Variants in SYCP2L observed in about 807,000 individuals in gnomAD.
SYCP2L encodes the protein synaptonemal complex protein 2-like.
In SYCP2L, 98 loss-of-function variants were observed where a neutral mutation model predicts 125.8. That is an observed-to-expected ratio of 0.78 (90% CI 0.66 to 0.92). The LOEUF is 0.92. Ranked by LOEUF, SYCP2L falls within the 40% of genes least tolerant of loss-of-function variation. The pLI, the probability that SYCP2L is intolerant of heterozygous loss-of-function variation, is 0.00. For synonymous variants in SYCP2L, 317 were observed against 325.4 expected (o/e 0.97, Z 0.28); for missense variants, 842 against 936.4 (o/e 0.90, Z 1.32).
chr6:10,927,267 T>C lies in SYCP2L; in HGVS notation c.1340T>C (p.Val447Ala), dbSNP rs1408350532. 6.2e-7 allele frequency: 1 copy of C among 1,614,000 alleles called. No homozygotes were observed. Among genetic ancestry groups the C allele is most frequent in the East Asian group, 2.2e-5 (1 of 44,894 alleles). The change falls in exon 17 of 30, where the codon GTG (valine) becomes GCG (alanine). Residue 447 changes from valine to alanine, a missense_variant. Coordinates refer to ENST00000283141, the MANE Select transcript of SYCP2L (RefSeq NM_001040274.3). ...TEQAEESTNM[V>A]EFMSAEDDRC... is the part of the protein sequence containing the mutation. ...CAGGCAGAAGAATCCACTAACATGG[T>C]GGAGTTTATGAGTGCTGAAGATGAC...
intron 16 of SYCP2L, 109 bp from the exon 17 acceptor site, chr6:10,927,131 T>A (rs1039863450): frequency 1.3e-6 from 2 of 1,497,260 alleles, no homozygotes; most frequent in African/African-American, 1.4e-5. Context: ...AATTACCAGG[T>A]CTTACCAAAG....
At chr6:10,959,525 TA>T (rs1781561203) in intron 26 of SYCP2L, among the ~76,000 whole-genome samples, 1 of 152,172 alleles carries the variant, frequency 6.6e-6, no homozygotes, top group African/African-American at 2.4e-5. Context: ...ATTTTATACT[TA>T]AAAATGGTTA....
chr6:10,909,555 G>T (rs1780569763), intron 10 of SYCP2L, among the ~76,000 whole-genome samples: 1 of 152,132 alleles, frequency 6.6e-6, no homozygotes, highest in Non-Finnish European at 1.5e-5. Context: ...CAAAAACTTG[G>T]ATCTGTCTCT....
chr6:10,962,272 ACCTATGCATATATT>A (rs147622191), intron 28 of SYCP2L, among the ~76,000 whole-genome samples: 2 of 149,106 alleles, frequency 1.3e-5, no homozygotes, highest in Admixed American at 6.7e-5. Context: ...TCTTCCTAAA[ACCTATGCATATATT>A]CCTATGCATA....
intron 6 of SYCP2L, among the ~76,000 whole-genome samples, chr6:10,901,861 CA>C (rs1412553618): frequency 1.3e-5 from 2 of 152,258 alleles, no homozygotes; most frequent in Non-Finnish European, 2.9e-5. Context: ...GGCTCCGCCC[CA>C]TTTCTCTGCA....
intron 23 of SYCP2L, among the ~76,000 whole-genome samples, chr6:10,948,956 T>C (rs922364675): frequency 6.6e-6 from 1 of 152,156 alleles, no homozygotes; most frequent in Admixed American, 6.5e-5. Flanking sequence ...TCATATTTTT[T>C]AGTGTGCTTC....
rs1780995693 is a variant in SYCP2L at position 10,931,491 on chromosome 6, T to C, written c.1683+2T>C. 6.2e-7 allele frequency: 1 copy of C among 1,614,078 alleles called. No individual in the cohort carries two copies. The highest frequency in any genetic ancestry group is 8.5e-7 in the Non-Finnish European group (1 of 1,179,910). ...GGCAGTGGCCATGAGAAAGACCAAG[T>C]AAGTACATTGTATCTGGGTTGCTGT... On this transcript the variant is annotated splice_donor_variant, in intron 20 of 29. Coordinates refer to ENST00000283141, the MANE Select transcript of SYCP2L (RefSeq NM_001040274.3). LOFTEE classifies it high-confidence loss of function.
chr6:10,967,881 C>T (rs1439152650), intron 29 of SYCP2L, among the ~76,000 whole-genome samples: 8 of 152,062 alleles, frequency 5.3e-5, no homozygotes, highest in Admixed American at 3.9e-4. Context: ...GATTTTTCTC[C>T]AGCAAAATTC....
chr6:10,919,534 G>A (rs1271768806), intron 14 of SYCP2L, among the ~76,000 whole-genome samples: 3 of 152,204 alleles, frequency 2.0e-5, no homozygotes, highest in Admixed American at 6.5e-5. Flanking sequence ...TTAATGCTCT[G>A]TTTTTGTGCT....
At position 10,929,038 on chromosome 6, in the gene SYCP2L, C is replaced by T. The variant is rs556428243; in HGVS notation, c.1488+588C>T. Among the ~76,000 whole-genome samples, 5 of 151,968 alleles carry T rather than the reference C, an allele frequency of 3.3e-5. No individual in the cohort carries two copies. The South Asian group carries it at 6.3e-4, about 19-fold the overall frequency. ...TCCTGAGTAGCTAGGATTATAGGGGCATGCCACCATGCCTACCTAATTTTT... is the reference window on the plus strand; with the variant it reads ...TCCTGAGTAGCTAGGATTATAGGGGTATGCCACCATGCCTACCTAATTTTT... On this transcript the variant is annotated intron_variant, in intron 18 of 29. Transcript: ENST00000283141.
chr6:10,930,558 A>ATTTTCAAATCAGATATTTAT (rs1319391517), intron 19 of SYCP2L, 44 bp downstream of exon 19: 27 of 1,572,624 alleles, frequency 1.7e-5, no homozygotes, highest in Non-Finnish European at 2.3e-5. Flanking sequence ...TCAAATAGTG[A>ATTTTCAAATCAGATATTTAT]TTTTCAAATC....
In SYCP2L at chr6:10,927,255, C is replaced by T; in HGVS notation, c.1328C>T (p.Ser443Phe). ...ATTTGTATAGAGCAGGCAGAAGAAT[C>T]CACTAACATGGTGGAGTTTATGAGT... ...LERETEQAEE[S>F]TNMVEFMSAE... Residue 443 changes from serine to phenylalanine, a missense_variant, in exon 17 of 30, where the codon TCC becomes TTC. By Grantham distance (155) the Ser-to-Phe change is radical. Coordinates refer to ENST00000283141, the MANE Select transcript of SYCP2L (RefSeq NM_001040274.3). 6.2e-7 allele frequency: 1 copy of T among 1,614,092 alleles called. No homozygotes were observed. The highest frequency in any genetic ancestry group is 1.1e-5 in the South Asian group (1 of 91,064).
intron 11 of SYCP2L, among the ~76,000 whole-genome samples, chr6:10,910,509 C>T (rs1780588920): frequency 6.6e-6 from 1 of 152,154 alleles, no homozygotes; most frequent in African/African-American, 2.4e-5. Context: ...CTTGAGGTTG[C>T]TGGAGGTAGT....
intron 12 of SYCP2L, among the ~76,000 whole-genome samples, chr6:10,911,881 T>TG (rs796286583): frequency 1.0e-4 from 14 of 139,652 alleles, no homozygotes; most frequent in African/African-American, 3.7e-4. Flanking sequence ...TATCTGTTGT[T>TG]GGGGAATAAA....
At chr6:10,898,164 C>A in intron 5 of SYCP2L, 49 bp downstream of exon 5, 1 of 1,298,338 alleles carries the variant, frequency 7.7e-7, no homozygotes, top group Non-Finnish European at 1.1e-6. Context: ...TGGTAATTGG[C>A]AGGAATCTTC....
At chr6:10,907,918 T>C (rs1780529936) in intron 10 of SYCP2L, among the ~76,000 whole-genome samples, 1 of 136,468 alleles carries the variant, frequency 7.3e-6, no homozygotes, top group Admixed American at 8.1e-5. Flanking sequence ...TTTGACAGAG[T>C]CTCACTCTTG....
intron 14 of SYCP2L, among the ~76,000 whole-genome samples, chr6:10,913,265 G>A (rs1287106524): frequency 1.3e-5 from 2 of 152,202 alleles, no homozygotes; most frequent in Non-Finnish European, 2.9e-5. Flanking sequence ...AGGAGAACAT[G>A]TCATCCTAGT....
intron 23 of SYCP2L, among the ~76,000 whole-genome samples, chr6:10,947,777 G>A (rs1374718453): frequency 6.6e-6 from 1 of 151,966 alleles, no homozygotes; most frequent in Non-Finnish European, 1.5e-5. Flanking sequence ...TCTTTAGTAT[G>A]TCTTAAAAAT....
At chr6:10,892,957 A>AATCTC (rs1554104235) in intron 2 of SYCP2L, among the ~76,000 whole-genome samples, 1 of 151,774 alleles carries the variant, frequency 6.6e-6, no homozygotes, top group African/African-American at 2.4e-5. Context: ...AAAGATAAAA[A>AATCTC]ATCTTTTATA....
Sources: gnomAD v4.1 joint callset for allele counts (sites outside exome capture counted in the v4.1 genomes callset) on GRCh38, gnomAD v4.1.1 for gene constraint, MANE v1.5 for transcripts, NCBI Gene and HGNC (gene_info 2026-07-23, HGNC 2026-07-21) for gene names.